The following SLC16A9 variants were observed in gnomAD, a reference collection of about 807,000 sequenced individuals.
SLC16A9 encodes the protein monocarboxylate transporter 9.
A neutral mutation model predicts 44.3 loss-of-function variants in SLC16A9; 26 were observed. That is an observed-to-expected ratio of 0.59 (90% CI 0.43 to 0.81). The LOEUF (loss-of-function observed/expected upper bound fraction) is 0.81. Among genes scored for constraint, SLC16A9 ranks in the 40% least tolerant of loss-of-function variants. The pLI is 0.00. For missense variants in SLC16A9, 559 were observed against 595.8 expected, an observed-to-expected ratio of 0.94 and a Z score of 0.64; for synonymous variants, 230 against 225.1, an observed-to-expected ratio of 1.02 and a Z score of -0.19.
intron 4 of SLC16A9, among the ~76,000 whole-genome samples, chr10:59,659,302 C>A (rs1405735885): frequency 2.0e-5 from 3 of 152,072 alleles, no homozygotes; most frequent in Non-Finnish European, 4.4e-5. Flanking sequence ...TTCCACACTA[C>A]AAGGAGGTGG....
intron 2 of SLC16A9, among the ~76,000 whole-genome samples, chr10:59,678,540 C>CTTTTTTTT (rs1426559419): frequency 9.0e-5 from 2 of 22,342 alleles, no homozygotes; most frequent in African/African-American, 1.9e-4. Flanking sequence ...TTTTCTTTTT[C>CTTTTTTTT]TTTTTCTTTT....
chr10:59,672,869 C>A lies in SLC16A9; in HGVS notation c.241G>T (p.Val81Phe). ...LCVSSFGARP[V>F]TIFSGFMVAG... ...ACCATGAAGCCACTGAAGATTGTGA[C>A]AGGTCTTGCTCCAAAAGATGAGACA... Residue 81 changes from valine to phenylalanine, a missense_variant, in exon 3 of 6, where the codon GTC becomes TTC. Coordinates refer to ENST00000395348, the MANE Select transcript of SLC16A9 (RefSeq NM_194298.3). 6.2e-7 allele frequency: 1 copy of A among 1,613,750 alleles called. No homozygotes were observed. The highest frequency in any genetic ancestry group is 8.5e-7 in the Non-Finnish European group (1 of 1,179,790).
At chr10:59,656,825 C>G (rs1839359758) in intron 4 of SLC16A9, among the ~76,000 whole-genome samples, 1 of 152,174 alleles carries the variant, frequency 6.6e-6, no homozygotes, top group Non-Finnish European at 1.5e-5. Flanking sequence ...AAAAGAGCAT[C>G]CTAATTTTAA....
chr10:59,696,491 A>C (rs866464984), intron 1 of SLC16A9, among the ~76,000 whole-genome samples: 1 of 152,204 alleles, frequency 6.6e-6, no homozygotes, highest in Middle Eastern at 3.4e-3. Context: ...TGGCCCCCCA[A>C]AGTGCCGAGA....
intron 3 of SLC16A9, among the ~76,000 whole-genome samples, chr10:59,670,634 C>T (rs189271607): frequency 1.3e-5 from 2 of 152,310 alleles, no homozygotes; most frequent in East Asian, 3.9e-4. Flanking sequence ...TATGATTCTG[C>T]ACAGAATTGC....
chr10:59,679,170 A>T (rs944051135), intron 2 of SLC16A9, among the ~76,000 whole-genome samples: 2 of 99,644 alleles, frequency 2.0e-5, no homozygotes, highest in East Asian at 1.2e-3. Flanking sequence ...CTGCTGTTTC[A>T]GCACTTGGGT....
chr10:59,658,933 T>C (rs1904071), intron 4 of SLC16A9, among the ~76,000 whole-genome samples: 1 of 152,036 alleles, frequency 6.6e-6, no homozygotes, highest in Non-Finnish European at 1.5e-5. Flanking sequence ...CTACTGACGT[T>C]CTTCAGGCTA....
chr10:59,695,957 G>C (rs1840361313), intron 1 of SLC16A9, among the ~76,000 whole-genome samples: 1 of 152,160 alleles, frequency 6.6e-6, no homozygotes, highest in South Asian at 2.1e-4. Context: ...AGATGGGGTA[G>C]ACAGGAAGAA....
intron 1 of SLC16A9, among the ~76,000 whole-genome samples, chr10:59,696,294 G>A (rs1171636): frequency 6.6e-6 from 1 of 152,080 alleles, no homozygotes; most frequent in Non-Finnish European, 1.5e-5. Context: ...TTGGTGGAGA[G>A]GGGGTTTCGC....
intron 2 of SLC16A9, among the ~76,000 whole-genome samples, chr10:59,680,064 C>T (rs1294299784): frequency 6.6e-6 from 1 of 152,132 alleles, no homozygotes; most frequent in African/African-American, 2.4e-5. Context: ...TCTATATTGG[C>T]ATCCCTAGCT....
Position 59,654,300 on chromosome 10 carries a change from T to C in SLC16A9, c.726A>G (p.Leu242=). ...TGTCTTGTTTCCAGTCACCATTGGC[T>C]AACGTGATCCTGCATTTTTCCTCAC... ...YSSEEKCRIT[L]ANGDWKQDSL... Residue 242 remains leucine, a synonymous_variant, in exon 5 of 6, where the codon TTA becomes TTG. Transcript: ENST00000395348. 6.2e-7 allele frequency: 1 copy of C among 1,614,212 alleles called. No homozygotes were observed. The highest frequency in any genetic ancestry group is 8.5e-7 in the Non-Finnish European group (1 of 1,180,030).
intron 4 of SLC16A9, among the ~76,000 whole-genome samples, chr10:59,659,744 T>C (rs1246685806): frequency 1.3e-5 from 2 of 152,094 alleles, no homozygotes. Context: ...GACCACATAA[T>C]TGGAAGTAAA....
intron 5 of SLC16A9, among the ~76,000 whole-genome samples, chr10:59,653,425 C>CAAAAAAA (rs562805430): frequency 0.29 from 10,584 of 36,298 alleles, 3,580 homozygotes; most frequent in East Asian, 0.77. Flanking sequence ...AACTCCGTCT[C>CAAAAAAA]AAAAAAAAAA....
In SLC16A9 at chr10:59,653,623, A is replaced by C; in HGVS notation, c.1351+52T>G. 3.4e-6 allele frequency: 5 copies of C among 1,475,556 alleles called. No homozygotes were observed. The South Asian group carries it at 6.3e-5, about 19-fold the overall frequency. 91.4% of individuals were successfully genotyped at this position (1,475,556 alleles called of 1,614,324 possible). Reference sequence around the variant, plus strand: ...ACAATCTGGACCTCTATATCTGGAGATATGACAAGGAAGAACAGTAAAATG... The same window carrying C: ...ACAATCTGGACCTCTATATCTGGAGCTATGACAAGGAAGAACAGTAAAATG... On this transcript the variant is annotated intron_variant, in intron 5 of 5. Coordinates refer to ENST00000395348, the MANE Select transcript of SLC16A9 (RefSeq NM_194298.3).
intron 3 of SLC16A9, among the ~76,000 whole-genome samples, chr10:59,665,805 A>C (rs563479155): frequency 6.2e-4 from 95 of 152,318 alleles, no homozygotes; most frequent in African/African-American, 2.1e-3. Context: ...TTAAGCATTC[A>C]AGACATGAAA....
chr10:59,679,731 T>C (rs35549184), intron 2 of SLC16A9, among the ~76,000 whole-genome samples: 28 of 152,296 alleles, frequency 1.8e-4, no homozygotes, highest in Admixed American at 5.9e-4. Context: ...AACATAAAAC[T>C]GACCGTCACA....
intron 1 of SLC16A9, among the ~76,000 whole-genome samples, chr10:59,684,569 T>C (rs540428678): frequency 2.6e-5 from 4 of 152,246 alleles, no homozygotes; most frequent in South Asian, 2.1e-4. Flanking sequence ...AAGTGAAATA[T>C]AGCCTTCTCA....
rs772926934 is a variant in SLC16A9 at position 59,652,746 on chromosome 10, CA to C, written c.*25del. ...ATCGTTGCTATATGGTATAAAATAG[CA>C]AAAATAGTGTCTTCCAATATTCTTC... On this transcript the variant is annotated 3_prime_UTR_variant, in exon 6 of 6. Transcript: ENST00000395348. 4 of 1,581,306 alleles carry C rather than the reference CA, an allele frequency of 2.5e-6. No homozygotes were observed. The highest frequency in any genetic ancestry group is 1.9e-5 in the Admixed American group (1 of 53,328).
chr10:59,660,943 A>G (rs1035081187), intron 4 of SLC16A9, among the ~76,000 whole-genome samples: 1 of 152,340 alleles, frequency 6.6e-6, no homozygotes, highest in Admixed American at 6.5e-5. Context: ...GCCTTCGATA[A>G]AATTCAACAC....
Sources: gnomAD v4.1 joint callset for allele counts (sites outside exome capture counted in the v4.1 genomes callset) on GRCh38, gnomAD v4.1.1 for gene constraint, MANE v1.5 for transcripts, NCBI Gene and HGNC (gene_info 2026-07-23, HGNC 2026-07-21) for gene names.